TSKS: variants seen among roughly 807,000 people sequenced by gnomAD.
TSKS encodes testis-specific serine kinase substrate.
Under a neutral mutation model 68.0 loss-of-function variants are expected in TSKS, and 27 were observed. The ratio of observed to expected loss-of-function variants is 0.40; its 90% CI spans 0.29 to 0.55. TSKS has a LOEUF of 0.55. Among genes scored for constraint, TSKS ranks in the 20% least tolerant of loss-of-function variants. The pLI is 0.53. For missense variants in TSKS, 806 were observed against 776.0 expected (o/e 1.04, Z -0.46); for synonymous variants, 331 against 340.4 (o/e 0.97, Z 0.30).
rs771142884 is a variant in TSKS, at chr19:49,744,283, G to A, written c.1309C>T (p.Leu437Phe). ...TGGGACCGATCCAGGTTCATGGAGA[G>A]GTCAGGCCCTCTTCGAGAGTTCTGA... The part of the protein sequence containing the change: ...QFQNSRRGPD[L>F]SMNLDRSHQG... Residue 437 changes from leucine to phenylalanine, a missense_variant, in exon 8 of 11, where the codon CTC becomes TTC. Coordinates refer to ENST00000246801, the MANE Select transcript of TSKS (RefSeq NM_021733.2). 4 of 1,614,056 alleles carry A rather than the reference G, an allele frequency of 2.5e-6. No homozygotes were observed. The Admixed American group carries it at 5.0e-5, about 20-fold the overall frequency.
At chr19:49,745,921 C>G (rs1422352037) in intron 6 of TSKS, among the ~76,000 whole-genome samples, 2 of 152,196 alleles carry the variant, frequency 1.3e-5, no homozygotes, top group African/African-American at 2.4e-5. Flanking sequence ...CGGTGGCTCA[C>G]GCCTGTAATC....
At chr19:49,761,692 G>A (rs2084441577) in intron 2 of TSKS, among the ~76,000 whole-genome samples, 1 of 152,048 alleles carries the variant, frequency 6.6e-6, no homozygotes, top group Non-Finnish European at 1.5e-5. Context: ...GGCCAGGCAC[G>A]GGGGCTCTCG....
At chr19:49,748,500 T>A (rs2084322535) in intron 2 of TSKS, 31 bp from the exon 3 acceptor site, 1 of 1,598,338 alleles carries the variant, frequency 6.3e-7, no homozygotes, top group Non-Finnish European at 8.6e-7. Context: ...GGTGAGTTAG[T>A]GGGTATGTGG....
At chr19:49,747,001 C>T in intron 5 of TSKS, 1 of 1,215,888 alleles carries the variant, frequency 8.2e-7, no homozygotes. Context: ...GCTAACCTCC[C>T]ACAGCCTGCC....
rs2084445178 is a variant in TSKS, at chr19:49,762,012, CCGTGATGTCTG to C, written c.380_390del (p.Ala127GlyfsTer28). 6.2e-7 allele frequency: 1 copy of C among 1,612,688 alleles called. No homozygotes were observed. ...GTGTGGAGGGCCCTCACCAGGATTT[CCGTGATGTCTG>C]CGTCATCCGGATCCCAGGGTAGGGT... On this transcript the variant is annotated frameshift_variant, in exon 2 of 11. Transcript: ENST00000246801. LOFTEE classifies it high-confidence loss of function.
chr19:49,745,934 A>G (rs1001513096), intron 6 of TSKS, among the ~76,000 whole-genome samples: 2 of 152,154 alleles, frequency 1.3e-5, no homozygotes, highest in Non-Finnish European at 2.9e-5. Flanking sequence ...CTGTAATCCT[A>G]GCACTTTGGG....
rs184399255 is a variant in TSKS, at chr19:49,740,954, G to T, written c.1498-771C>A. Among the ~76,000 whole-genome samples, 5 of 151,962 alleles carry T rather than the reference G, an allele frequency of 3.3e-5. No homozygotes were observed. In the East Asian group the frequency reaches 9.7e-4, roughly 29 times the overall value. On this transcript the variant is annotated intron_variant, in intron 9 of 10. Transcript: ENST00000246801. The stretch of plus-strand genomic sequence containing the variant: ...AGTACTTTGGGAGGCTGAGGCAGGC[G>T]GATCACGAGATCAGGAGATCGAGAT...
At chr19:49,754,351 T>C (rs533941591) in intron 2 of TSKS, among the ~76,000 whole-genome samples, 2 of 151,524 alleles carry the variant, frequency 1.3e-5, no homozygotes, top group African/African-American at 4.8e-5. Flanking sequence ...ATCCAAAAAT[T>C]AGACAGGCAT....
intron 2 of TSKS, among the ~76,000 whole-genome samples, chr19:49,749,637 GT>G: frequency 6.6e-6 from 1 of 152,022 alleles, no homozygotes; most frequent in African/African-American, 2.4e-5. Context: ...AGGTGTGTGT[GT>G]GTGGGGGGTC....
At chr19:49,747,990 T>C (rs1393479479) in intron 4 of TSKS, 95 bp downstream of exon 4, 2 of 1,192,676 alleles carry the variant, frequency 1.7e-6, no homozygotes, top group Non-Finnish European at 2.5e-6. Flanking sequence ...ATTACAGATG[T>C]GAGCCACTGC....
At chr19:49,740,025 A>C (rs750039537) in intron 10 of TSKS, 34 bp downstream of exon 10, 26 of 1,613,380 alleles carry the variant, frequency 1.6e-5, no homozygotes, top group Non-Finnish European at 2.1e-5. Context: ...CCAAGATCTC[A>C]CCCTCCTCCC....
chr19:49,759,750 G>A (rs530281804), intron 2 of TSKS, among the ~76,000 whole-genome samples: 1 of 151,930 alleles, frequency 6.6e-6, no homozygotes, highest in African/African-American at 2.4e-5. Flanking sequence ...TGGAAAGATC[G>A]CTTAAGCCCA....
In TSKS at chr19:49,748,007, C is replaced by T. The variant is rs2084317027; in HGVS notation, c.579+78G>A. 15 of 1,347,628 alleles carry T rather than the reference C, an allele frequency of 1.1e-5. No individual in the cohort carries two copies. The South Asian group carries it at 1.8e-4, about 16-fold the overall frequency. 83.5% of individuals were successfully genotyped at this position (1,347,628 alleles called of 1,614,324 possible). ...TACAGATGTGAGCCACTGCACCCAG[C>T]CTCCTCCCCTCTTTCTCCCACCCTC... On this transcript the variant is annotated intron_variant, in intron 4 of 10. Coordinates refer to ENST00000246801, the MANE Select transcript of TSKS (RefSeq NM_021733.2).
chr19:49,740,388 C>G, intron 9 of TSKS: 1 of 617,738 alleles, frequency 1.6e-6, no homozygotes, highest in Non-Finnish European at 2.8e-6. Flanking sequence ...AAATCTGTGT[C>G]TGTCCTATTG....
chr19:49,741,996 C>A lies in TSKS; in HGVS notation c.1386G>T (p.Glu462Asp), dbSNP rs76647031. The change falls in exon 9 of 11, where the codon GAG becomes GAT. Residue 462 changes from glutamate to aspartate, a missense_variant. Transcript: ENST00000246801. ...CASQGSQLST[E>D]SLQQLLDRAL... Reference sequence around the variant, plus strand: ...CTCGGTCCAGCAGCTGCTGCAGGGACTCCGTAGACAACTGCGACCCCTGGC... The same window carrying A: ...CTCGGTCCAGCAGCTGCTGCAGGGAATCCGTAGACAACTGCGACCCCTGGC... 5.8e-5 allele frequency: 94 copies of A among 1,614,144 alleles called. No homozygotes were observed. The African/African-American group carries it at 1.2e-3, about 21-fold the overall frequency.
chr19:49,760,922 C>G (rs2084435131), intron 2 of TSKS, among the ~76,000 whole-genome samples: 1 of 151,940 alleles, frequency 6.6e-6, no homozygotes, highest in Admixed American at 6.6e-5. Flanking sequence ...AACCCTGTTT[C>G]TACTAAAAAT....
At chr19:49,755,269 C>G (rs2084383879) in intron 2 of TSKS, among the ~76,000 whole-genome samples, 2 of 152,024 alleles carry the variant, frequency 1.3e-5, no homozygotes, top group Admixed American at 6.6e-5. Context: ...GCCTCAGAGA[C>G]CTATGGATCT....
At chr19:49,754,447 C>G (rs2123622200) in intron 2 of TSKS, among the ~76,000 whole-genome samples, 1 of 151,218 alleles carries the variant, frequency 6.6e-6, no homozygotes, top group South Asian at 2.1e-4. Flanking sequence ...TGCAGTGAGC[C>G]AAGATCATGC....
intron 2 of TSKS, among the ~76,000 whole-genome samples, chr19:49,758,454 T>C (rs2123629194): frequency 6.6e-6 from 1 of 152,326 alleles, no homozygotes; most frequent in Non-Finnish European, 1.5e-5. Flanking sequence ...CCTGGGGTAC[T>C]TTCTCAGGCT....
Sources: allele counts gnomAD v4.1 joint callset (sites outside exome capture counted in the v4.1 genomes callset), GRCh38; gene constraint gnomAD v4.1.1; transcripts MANE v1.5; gene names NCBI Gene and HGNC (gene_info 2026-07-23, HGNC 2026-07-21).